Variants in CREB5 observed in about 807,000 individuals in gnomAD.
CREB5 encodes cyclic AMP-responsive element-binding protein 5.
CREB5 carries 19 observed loss-of-function variants against 57.1 expected under a neutral mutation model. The ratio of observed to expected loss-of-function variants is 0.33; its 90% CI spans 0.23 to 0.49. CREB5 has a LOEUF of 0.49. Among genes scored for constraint, CREB5 ranks in the 20% least tolerant of loss-of-function variants. CREB5 has a pLI of 0.99. For missense variants in CREB5, 579 were observed against 671.6 expected (o/e 0.86, Z 1.52); for synonymous variants, 238 against 238.3 (o/e 1.00, Z 0.01).
chr7:28,676,685 T>C (rs1800338288), intron 5 of CREB5, among the ~76,000 whole-genome samples: 1 of 152,128 alleles, frequency 6.6e-6, no homozygotes. Context: ...GAGGCCACTG[T>C]TGATGTGTAA....
At chr7:28,425,895 G>T (rs1475028556) in intron 1 of CREB5, among the ~76,000 whole-genome samples, 2 of 152,156 alleles carry the variant, frequency 1.3e-5, no homozygotes, top group African/African-American at 4.8e-5. Flanking sequence ...TTTTCAAATT[G>T]TTCAAACACA....
chr7:28,680,430 C>T (rs1443865044), intron 5 of CREB5, among the ~76,000 whole-genome samples: 1 of 152,168 alleles, frequency 6.6e-6, no homozygotes, highest in Non-Finnish European at 1.5e-5. Flanking sequence ...CATCATTAGG[C>T]TCCAATCCCG....
chr7:28,443,922 TC>T (rs1420707085), intron 1 of CREB5, among the ~76,000 whole-genome samples: 1 of 152,152 alleles, frequency 6.6e-6, no homozygotes, highest in African/African-American at 2.4e-5. Context: ...TATTGGTAGA[TC>T]CTGATACAAG....
At chr7:28,340,063 C>T (rs945063640) in intron 1 of CREB5, among the ~76,000 whole-genome samples, 5 of 152,146 alleles carry the variant, frequency 3.3e-5, no homozygotes, top group Non-Finnish European at 7.3e-5. Flanking sequence ...AAGGCAGTTC[C>T]AGAAATACTA....
At chr7:28,372,212 A>C (rs1467490756) in intron 1 of CREB5, among the ~76,000 whole-genome samples, 1 of 152,212 alleles carries the variant, frequency 6.6e-6, no homozygotes, top group East Asian at 1.9e-4. Flanking sequence ...AGATACATAC[A>C]TTACTAATAA....
In CREB5 at chr7:28,560,919, T is replaced by TGC. The variant is rs1562797827; in HGVS notation, c.292-9445_292-9444insCG. ...GTGCGTGCGCGCGTGCGTGTGCGTG[T>TGC]GTGCGCGTGCGTGTGTGCGTGCGTG... On this transcript the variant is annotated intron_variant, in intron 4 of 10. Coordinates refer to ENST00000357727, the MANE Select transcript of CREB5 (RefSeq NM_182898.4). 9.3e-3 allele frequency among the ~76,000 whole-genome samples: 399 copies of TGC among 42,880 alleles called. 25 individuals carry two copies. The highest frequency in any genetic ancestry group is 0.013 in the Non-Finnish European group (282 of 22,190). The allele number at this position is 42,880 out of a possible 152,430, so 28.1% of individuals were successfully genotyped here. A position where few individuals can be genotyped will look rare whatever the true frequency, so the allele number is the denominator to read the frequency against.
chr7:28,533,837 T>C (rs1228194281), intron 4 of CREB5, among the ~76,000 whole-genome samples: 1 of 152,208 alleles, frequency 6.6e-6, no homozygotes. Context: ...CCTCCTCTTC[T>C]TCCTCCTCTT....
At chr7:28,646,909 C>G (rs2128704434) in intron 5 of CREB5, among the ~76,000 whole-genome samples, 1 of 152,056 alleles carries the variant, frequency 6.6e-6, no homozygotes, top group African/African-American at 2.4e-5. Flanking sequence ...ACACTCTTTG[C>G]ATCTGGGCTT....
chr7:28,790,433 AGAG>A (rs1562642874), intron 7 of CREB5, among the ~76,000 whole-genome samples: 3 of 62,116 alleles, frequency 4.8e-5, no homozygotes, highest in African/African-American at 3.1e-4. Context: ...AAAGAAAGAG[AGAG>A]AGAGAGAGAG....
chr7:28,749,915 C>T (rs1804884295), intron 7 of CREB5, among the ~76,000 whole-genome samples: 1 of 148,938 alleles, frequency 6.7e-6, no homozygotes, highest in East Asian at 1.9e-4. Flanking sequence ...TGACATCATT[C>T]TTGGCAACTG....
At chr7:28,429,711 C>T (rs1365594377) in intron 1 of CREB5, among the ~76,000 whole-genome samples, 1 of 152,202 alleles carries the variant, frequency 6.6e-6, no homozygotes, top group Non-Finnish European at 1.5e-5. Flanking sequence ...GAAAATCCCC[C>T]ATCTCCTGTT....
At chr7:28,301,451 C>T (rs893501289) in intron 1 of CREB5, among the ~76,000 whole-genome samples, 1 of 152,204 alleles carries the variant, frequency 6.6e-6, no homozygotes, top group African/African-American at 2.4e-5. Flanking sequence ...TAGGCCTGGG[C>T]TTGGCCCGAA....
chr7:28,772,417 G>C (rs549655033), intron 7 of CREB5, among the ~76,000 whole-genome samples: 28 of 152,252 alleles, frequency 1.8e-4, no homozygotes, highest in African/African-American at 6.7e-4. Flanking sequence ...ACTACCAAAG[G>C]CTGGGAGCCC....
rs372167339 is a variant in CREB5 at position 28,325,179 on chromosome 7, G to A, written c.-25+25738G>A. Among the ~76,000 whole-genome samples the A allele has an allele frequency of 1.5e-4, 23 of 152,266 alleles. No homozygotes were observed. In the East Asian group the frequency reaches 3.7e-3, roughly 24 times the overall value. On this transcript the variant is annotated intron_variant, in intron 1 of 9. Coordinates refer to the CREB5 transcript ENST00000396299. ...ATGTTTAAAAAATGTAAATCAGGCCGGGCGCAGTGGCTCACGCCTATAATC... is the reference window on the plus strand; with the variant it reads ...ATGTTTAAAAAATGTAAATCAGGCCAGGCGCAGTGGCTCACGCCTATAATC...
At position 28,586,287 on chromosome 7, in the gene CREB5, C is replaced by T. The variant is rs551019731; in HGVS notation, c.464+15750C>T. Among the ~76,000 whole-genome samples the T allele has an allele frequency of 5.1e-4, 77 of 152,210 alleles. No individual in the cohort carries two copies. The South Asian group carries it at 0.015, about 30-fold the overall frequency. On this transcript the variant is annotated intron_variant, in intron 5 of 10. Coordinates refer to ENST00000357727, the MANE Select transcript of CREB5 (RefSeq NM_182898.4). ...CCCTCAGTGAGTGTGGTGGCTGCCA[C>T]GACAGGAGGAGAAGGGGAGGAGGCA...
intron 9 of CREB5, among the ~76,000 whole-genome samples, chr7:28,815,734 G>A (rs527708977): frequency 6.6e-6 from 1 of 152,310 alleles, no homozygotes; most frequent in African/African-American, 2.4e-5. Flanking sequence ...CCAGGACATA[G>A]TGGGGGAAGA....
At chr7:28,405,563 C>T (rs768842936) in intron 1 of CREB5, among the ~76,000 whole-genome samples, 7 of 152,144 alleles carry the variant, frequency 4.6e-5, no homozygotes, top group Admixed American at 6.6e-5. Flanking sequence ...CAGGTGCACA[C>T]CACCATGCCT....
At position 28,734,697 on chromosome 7, in the gene CREB5, A is replaced by G. The variant is rs541882602; in HGVS notation, c.702+10365A>G. 1.2e-4 allele frequency among the ~76,000 whole-genome samples: 18 copies of G among 152,308 alleles called. No individual in the cohort carries two copies. In the South Asian group the frequency reaches 3.7e-3, roughly 32 times the overall value. On this transcript the variant is annotated intron_variant, in intron 7 of 10. Coordinates refer to ENST00000357727, the MANE Select transcript of CREB5 (RefSeq NM_182898.4). ...ACAGGTCAAAGGGAATAAACATTATAACGCTTCCAAATTTCTTAAAATTTA... is the reference window on the plus strand; with the variant it reads ...ACAGGTCAAAGGGAATAAACATTATGACGCTTCCAAATTTCTTAAAATTTA...
intron 1 of CREB5, among the ~76,000 whole-genome samples, chr7:28,351,819 T>C (rs1786192393): frequency 6.6e-6 from 1 of 152,178 alleles, no homozygotes; most frequent in African/African-American, 2.4e-5. Flanking sequence ...ATGTGGTCCA[T>C]ATGCTATAGA....
Sources: gnomAD v4.1 joint callset for allele counts (sites outside exome capture counted in the v4.1 genomes callset) on GRCh38, gnomAD v4.1.1 for gene constraint, MANE v1.5 for transcripts, NCBI Gene and HGNC (gene_info 2026-07-23, HGNC 2026-07-21) for gene names.